Variants in SLC25A24 observed in about 807,000 individuals in gnomAD.
SLC25A24 encodes the protein mitochondrial adenyl nucleotide antiporter SLC25A24.
SLC25A24 carries 49 observed loss-of-function variants against 60.7 expected under a neutral mutation model. That is an observed-to-expected ratio of 0.81 (90% CI 0.64 to 1.02). The LOEUF is 1.02. Among genes scored for constraint, SLC25A24 ranks in the 50% least tolerant of loss-of-function variants. The pLI is 0.00. For synonymous variants in SLC25A24, 202 were observed against 200.6 expected (o/e 1.01, Z -0.06); for missense variants, 564 against 586.3 (o/e 0.96, Z 0.39).
chr1:108,199,484 GGTTTTCAAACA>G (rs1263092652), intron 1 of SLC25A24: 1 of 179,858 alleles, frequency 5.6e-6, no homozygotes, highest in Non-Finnish European at 1.1e-5. Context: ...ACACGCGATT[GGTTTTCAAACA>G]GTTTTCAAAC....
At chr1:108,186,975 G>T (rs1334513019) in intron 1 of SLC25A24, among the ~76,000 whole-genome samples, 1 of 151,896 alleles carries the variant, frequency 6.6e-6, no homozygotes. Flanking sequence ...TACTTGGGAG[G>T]CTGAGGCAAA....
chr1:108,136,746 G>T lies in SLC25A24; in HGVS notation c.1341C>A (p.Ile447=). 2 of 1,614,004 alleles carry T rather than the reference G, an allele frequency of 1.2e-6. No homozygotes were observed. Among genetic ancestry groups the T allele is most frequent in the East Asian group, 4.5e-5 (2 of 44,874 alleles). Residue 447 remains isoleucine (I), a synonymous_variant, in exon 10 of 10, where the codon ATC becomes ATA. Transcript: ENST00000565488. ...GGAGCACCTTCATGAAGTTTGGGGT[G>T]ATGCCTCTGTAAAGTCCTGGTATTC... ...KEGIPGLYRG[I]TPNFMKVLPA...
At chr1:108,181,847 T>G in intron 3 of SLC25A24, 94 bp downstream of exon 3, 1 of 840,336 alleles carries the variant, frequency 1.2e-6, no homozygotes, top group Non-Finnish European at 2.0e-6. Context: ...TAATGAAGAC[T>G]AGGGAGGTGT....
chr1:108,184,163 T>C (rs1470547757), intron 2 of SLC25A24, among the ~76,000 whole-genome samples: 1 of 152,256 alleles, frequency 6.6e-6, no homozygotes, highest in Non-Finnish European at 1.5e-5. Context: ...TTATTGCCTC[T>C]GGTTCATTTA....
At position 108,143,646 on chromosome 1, in the gene SLC25A24, T is replaced by G. The variant is rs1304216450; in HGVS notation, c.995A>C (p.Lys332Thr). The stretch of plus-strand genomic sequence containing the variant: ...CAAGCCTTCATGTTTCAAAATCTTC[T>G]TGGCACAATCATATATTCCAGAGTA... Reference protein sequence around the residue: ...GQYSGIYDCAKKILKHEGLGA... With the variant: ...GQYSGIYDCATKILKHEGLGA... Residue 332 changes from lysine (K) to threonine (T), a missense_variant, in exon 8 of 10, where the codon AAG (lysine) becomes ACG (threonine). Physicochemically the swap from Lys to Thr is moderately conservative, Grantham distance 78. Transcript: ENST00000565488. The G allele has an allele frequency of 6.2e-7, 1 of 1,613,912 alleles. No individual in the cohort carries two copies. Among genetic ancestry groups the G allele is most frequent in the Non-Finnish European group, 8.5e-7 (1 of 1,179,824 alleles).
intron 3 of SLC25A24, among the ~76,000 whole-genome samples, chr1:108,178,633 T>C (rs1273777006): frequency 7.9e-5 from 12 of 151,982 alleles, no homozygotes; most frequent in Admixed American, 7.9e-4. Flanking sequence ...GCTAACACAG[T>C]GAAACCCCGT....
chr1:108,170,402 T>C (rs1647422973), intron 3 of SLC25A24, among the ~76,000 whole-genome samples: 1 of 152,178 alleles, frequency 6.6e-6, no homozygotes, highest in Non-Finnish European at 1.5e-5. Context: ...TTTTTATACA[T>C]GTTCCATAAA....
Position 108,200,256 on chromosome 1 carries a change from G to A in SLC25A24, c.-118C>T. The A allele has an allele frequency of 1.0e-6, 1 of 992,348 alleles. No individual in the cohort carries two copies. The highest frequency in any genetic ancestry group is 1.3e-6 in the Non-Finnish European group (1 of 749,706). 61.5% of individuals were successfully genotyped at this position (992,348 alleles called of 1,614,324 possible). On this transcript the variant is annotated 5_prime_UTR_variant, in exon 1 of 10. Transcript: ENST00000565488. ...GGGGCGCGCGGCGCAACAGCGTTTG[G>A]GGCGCCGTCGGGGTTGCGGCTGCGG...
At chr1:108,157,181 TACA>T (rs1262662044) in intron 5 of SLC25A24, among the ~76,000 whole-genome samples, 1 of 152,244 alleles carries the variant, frequency 6.6e-6, no homozygotes. Context: ...AGGAGAATCC[TACA>T]ACAATAGCTA....
chr1:108,180,794 C>T (rs1344483201), intron 3 of SLC25A24, among the ~76,000 whole-genome samples: 1 of 152,180 alleles, frequency 6.6e-6, no homozygotes, highest in Non-Finnish European at 1.5e-5. Flanking sequence ...AACTAAATTT[C>T]CATTGTTTAA....
chr1:108,154,765 T>C (rs147117466), intron 6 of SLC25A24, among the ~76,000 whole-genome samples: 38 of 152,282 alleles, frequency 2.5e-4, no homozygotes, highest in Non-Finnish European at 5.0e-4. Flanking sequence ...AAAAAAACTT[T>C]ATAAATAATA....
chr1:108,185,995 CTGA>C (rs1648114334), intron 1 of SLC25A24, 41 bp from the exon 2 acceptor site: 6 of 1,439,216 alleles, frequency 4.2e-6, no homozygotes, highest in Non-Finnish European at 4.7e-6. Flanking sequence ...CCAATATGGG[CTGA>C]TGCACTAAAT....
At chr1:108,172,244 A>G (rs1647489421) in intron 3 of SLC25A24, among the ~76,000 whole-genome samples, 1 of 152,204 alleles carries the variant, frequency 6.6e-6, no homozygotes, top group East Asian at 1.9e-4. Flanking sequence ...GTAGGAGGCT[A>G]TATTTCAACT....
intron 1 of SLC25A24, among the ~76,000 whole-genome samples, chr1:108,190,089 C>T (rs1471379418): frequency 6.6e-6 from 1 of 151,894 alleles, no homozygotes; most frequent in East Asian, 1.9e-4. Flanking sequence ...CTACTTGGCC[C>T]GAGTTTGCTA....
chr1:108,145,352 T>C (rs1301653125), intron 7 of SLC25A24, among the ~76,000 whole-genome samples: 2 of 152,166 alleles, frequency 1.3e-5, no homozygotes, highest in Non-Finnish European at 2.9e-5. Context: ...TTTTCTCCCA[T>C]TCTGTAGGTT....
At chr1:108,172,390 C>T (rs940101842) in intron 3 of SLC25A24, among the ~76,000 whole-genome samples, 1 of 152,174 alleles carries the variant, frequency 6.6e-6, no homozygotes, top group Non-Finnish European at 1.5e-5. Flanking sequence ...ATTTGGCTCA[C>T]AGTTCTACAG....
chr1:108,147,919 C>T (rs1571281143), intron 7 of SLC25A24, among the ~76,000 whole-genome samples: 1 of 152,176 alleles, frequency 6.6e-6, no homozygotes, highest in Middle Eastern at 3.4e-3. Context: ...CTCTGTTGGA[C>T]CACTGACTCT....
chr1:108,179,913 C>G (rs1036079862), intron 3 of SLC25A24, among the ~76,000 whole-genome samples: 16 of 152,090 alleles, frequency 1.1e-4, no homozygotes, highest in Non-Finnish European at 2.4e-4. Flanking sequence ...TGTTAATTAG[C>G]TAGACTTAGT....
At chr1:108,164,904 T>G (rs1680200984) in intron 3 of SLC25A24, among the ~76,000 whole-genome samples, 1 of 126,726 alleles carries the variant, frequency 7.9e-6, no homozygotes. Flanking sequence ...ATTTTGGATC[T>G]TTCCTGCTTT....
Sources: gnomAD v4.1 joint callset for allele counts (sites outside exome capture counted in the v4.1 genomes callset) on GRCh38, gnomAD v4.1.1 for gene constraint, MANE v1.5 for transcripts, NCBI Gene and HGNC (gene_info 2026-07-23, HGNC 2026-07-21) for gene names.